UBR3: variants seen among roughly 807,000 people sequenced by gnomAD.
UBR3 encodes ubiquitin protein ligase E3 component n-recognin 3.
Under a neutral mutation model 243.2 loss-of-function variants are expected in UBR3, and 85 were observed. The observed-to-expected ratio is 0.35, with a 90% CI of 0.29 to 0.42. The LOEUF (loss-of-function observed/expected upper bound fraction) is 0.42. UBR3 is among the 10% of genes least tolerant of loss of function. The pLI is 1.00. For synonymous variants in UBR3, 748 were observed against 799.8 expected (o/e 0.94, Z 1.09); for missense variants, 1,686 against 2,300.8 (o/e 0.73, Z 5.47).
chr2:169,931,312 C>T (rs2086115971), intron 18 of UBR3, among the ~76,000 whole-genome samples: 2 of 130,804 alleles, frequency 1.5e-5, no homozygotes, highest in African/African-American at 5.8e-5. Context: ...GATCGCGCCA[C>T]TGTACTCCAG....
rs565687730 is a variant in UBR3 at position 170,063,583 on chromosome 2, TAA to T, written c.5019+2141_5019+2142del. On this transcript the variant is annotated intron_variant, in intron 35 of 38. Coordinates refer to ENST00000272793, the MANE Select transcript of UBR3 (RefSeq NM_172070.4). ...AAAAATTCCAGAAAAAAACTATTCA[TAA>T]GTTTTAAATTGCACACCATTCTGAG... Among the ~76,000 whole-genome samples the T allele has an allele frequency of 7.2e-5, 11 of 152,296 alleles. No individual in the cohort carries two copies. The East Asian group carries it at 2.1e-3, about 29-fold the overall frequency.
Position 169,904,910 on chromosome 2 carries a change from G to T in UBR3, c.1466-204G>T, listed in dbSNP as rs558542074. ...ATGCTTCATGTAATTCTTTTAAGAT[G>T]GATGTTTTTATTTTCTACTTTATAA... On this transcript the variant is annotated intron_variant, in intron 8 of 38. Transcript: ENST00000272793. Among the ~76,000 whole-genome samples the T allele has an allele frequency of 1.7e-4, 26 of 152,118 alleles. No homozygotes were observed. The South Asian group carries it at 2.7e-3, about 16-fold the overall frequency.
intron 1 of UBR3, among the ~76,000 whole-genome samples, chr2:169,857,427 T>C (rs2082925150): frequency 6.6e-6 from 1 of 151,880 alleles, no homozygotes; most frequent in Admixed American, 6.6e-5. Context: ...TATTTATTTA[T>C]TTTTTTGAGA....
intron 30 of UBR3, among the ~76,000 whole-genome samples, chr2:170,019,889 C>T (rs1227887577): frequency 6.6e-6 from 1 of 152,102 alleles, no homozygotes; most frequent in Admixed American, 6.5e-5. Context: ...ATTCCTTCCA[C>T]CTCAGCCTCC....
intron 30 of UBR3, among the ~76,000 whole-genome samples, chr2:170,021,481 G>T (rs186850995): frequency 6.6e-6 from 1 of 152,174 alleles, no homozygotes. Flanking sequence ...ATCTCTCTGG[G>T]ATCTCTTTTA....
chr2:169,885,847 CT>C (rs1457671548), intron 5 of UBR3, among the ~76,000 whole-genome samples: 2 of 151,890 alleles, frequency 1.3e-5, no homozygotes, highest in African/African-American at 2.4e-5. Context: ...ATCAGAGATA[CT>C]TTTCATAAGT....
intron 24 of UBR3, among the ~76,000 whole-genome samples, chr2:169,974,039 A>C (rs1035501246): frequency 6.6e-6 from 1 of 152,190 alleles, no homozygotes; most frequent in Admixed American, 6.5e-5. Flanking sequence ...TCCTTGGAAT[A>C]AATCACATTT....
At chr2:169,858,053 CTAAAACTGAGCAGCT>C (rs1438454989) in intron 1 of UBR3, among the ~76,000 whole-genome samples, 4 of 152,200 alleles carry the variant, frequency 2.6e-5, no homozygotes, top group Non-Finnish European at 5.9e-5. Context: ...ACAAATCACT[CTAAAACTGAGCAGCT>C]TAAGACAACA....
chr2:170,013,110 G>A (rs562177799), intron 29 of UBR3, among the ~76,000 whole-genome samples: 61 of 152,026 alleles, frequency 4.0e-4, no homozygotes, highest in Admixed American at 2.0e-3. Flanking sequence ...CAAAAAGCTC[G>A]GAAAACTTCC....
chr2:169,941,323 AC>A (rs938063680), intron 19 of UBR3, among the ~76,000 whole-genome samples: 81 of 152,210 alleles, frequency 5.3e-4, no homozygotes, highest in African/African-American at 1.9e-3. Context: ...TTTTTCTCCT[AC>A]AATACATACC....
At chr2:169,879,658 A>C (rs932923349) in intron 5 of UBR3, among the ~76,000 whole-genome samples, 4 of 152,226 alleles carry the variant, frequency 2.6e-5, no homozygotes, top group Non-Finnish European at 5.9e-5. Flanking sequence ...TACTTATTTC[A>C]TGAGAATATT....
chr2:169,837,633 C>T (rs529271946), intron 1 of UBR3, among the ~76,000 whole-genome samples: 1 of 152,176 alleles, frequency 6.6e-6, no homozygotes, highest in Non-Finnish European at 1.5e-5. Context: ...GAGAAGCGAG[C>T]AGGGGAAATG....
intron 27 of UBR3, among the ~76,000 whole-genome samples, chr2:170,005,375 G>C (rs2089876425): frequency 6.6e-6 from 1 of 152,184 alleles, no homozygotes; most frequent in South Asian, 2.1e-4. Flanking sequence ...ATTTTTCTCT[G>C]ACAACACTCA....
At chr2:170,033,692 T>G (rs1305819155) in intron 31 of UBR3, among the ~76,000 whole-genome samples, 3 of 151,118 alleles carry the variant, frequency 2.0e-5, no homozygotes, top group Admixed American at 2.0e-4. Flanking sequence ...TATATATTTT[T>G]AAAATTGAAA....
chr2:169,930,576 G>C (rs1210419802), intron 18 of UBR3, among the ~76,000 whole-genome samples: 1 of 152,036 alleles, frequency 6.6e-6, no homozygotes, highest in Non-Finnish European at 1.5e-5. Flanking sequence ...TGTAGAGACA[G>C]GGCCTTGCTG....
chr2:169,837,058 T>A (rs988457320), intron 1 of UBR3, among the ~76,000 whole-genome samples: 1 of 152,264 alleles, frequency 6.6e-6, no homozygotes, highest in African/African-American at 2.4e-5. Flanking sequence ...AAAAAATGCT[T>A]ATATGTTTTC....
chr2:170,024,311 G>A lies in UBR3; in HGVS notation c.4454-5035G>A, dbSNP rs200151507. ...GGAGTTTGCAGTGAGCTGAGATTGC[G>A]CCATTGTCCTCCATCTTGGGCGACA... On this transcript the variant is annotated intron_variant, in intron 30 of 38. Coordinates refer to ENST00000272793, the MANE Select transcript of UBR3 (RefSeq NM_172070.4). Among the ~76,000 whole-genome samples the A allele has an allele frequency of 1.4e-4, 19 of 132,190 alleles. No individual in the cohort carries two copies. The East Asian group carries it at 1.4e-3, about 10-fold the overall frequency. 86.7% of individuals were successfully genotyped at this position (132,190 alleles called of 152,430 possible).
At chr2:170,033,575 ACACC>A (rs869057984) in intron 31 of UBR3, among the ~76,000 whole-genome samples, 4,586 of 15,684 alleles carry the variant, frequency 0.29, 420 homozygotes, top group South Asian at 0.33. Flanking sequence ...TGGTTTTTCC[ACACC>A]CACCCCCCCC....
rs368101981 is a variant in UBR3, at chr2:169,985,755, C to T, written c.3635-890C>T. On this transcript the variant is annotated intron_variant, in intron 24 of 38. Coordinates refer to ENST00000272793, the MANE Select transcript of UBR3 (RefSeq NM_172070.4). ...ATTTTAGGTTACTGTCCCTTTTCCT[C>T]TCAGTCATTCTTCATAAGTATCAGA... Among the ~76,000 whole-genome samples the T allele has an allele frequency of 2.3e-3, 344 of 152,228 alleles. 3 individuals are homozygous for T. The highest frequency in any genetic ancestry group is 0.02 in the South Asian group (98 of 4,830).
Sources: allele counts gnomAD v4.1 joint callset (sites outside exome capture counted in the v4.1 genomes callset), GRCh38; gene constraint gnomAD v4.1.1; transcripts MANE v1.5; gene names NCBI Gene and HGNC (gene_info 2026-07-23, HGNC 2026-07-21).